NLGN1: variants seen among roughly 807,000 people sequenced by gnomAD.
NLGN1 encodes the protein neuroligin-1.
In NLGN1, 12 loss-of-function variants were observed where a neutral mutation model predicts 65.5. The observed-to-expected ratio is 0.18, with a 90% confidence interval of 0.12 to 0.30. The LOEUF (loss-of-function observed/expected upper bound fraction) is 0.30. Among genes scored for constraint, NLGN1 ranks in the 10% least tolerant of loss-of-function variants. The probability of loss-of-function intolerance (pLI) is 1.00; values close to 1 mark genes in which losing one functional copy is unlikely to be tolerated. For synonymous variants in NLGN1, 350 were observed against 359.5 expected (o/e 0.97, Z 0.30); for missense variants, 750 against 1,007.1 (o/e 0.74, Z 3.46).
In NLGN1 at chr3:173,796,580, G is replaced by T. The variant is rs893991135; in HGVS notation, c.494-11100G>T. 5.3e-5 allele frequency among the ~76,000 whole-genome samples: 8 copies of T among 152,162 alleles called. No individual in the cohort carries two copies. In the East Asian group the frequency reaches 1.2e-3, roughly 22 times the overall value. On this transcript the variant is annotated intron_variant, in intron 3 of 6. Coordinates refer to ENST00000457714, the Ensembl canonical transcript of NLGN1. ...TCACTCCCTTTCAAAATGACAGGAGGTCTACTCTCCTATTAACTCTAATGA... is the reference window on the plus strand; with the variant it reads ...TCACTCCCTTTCAAAATGACAGGAGTTCTACTCTCCTATTAACTCTAATGA...
In NLGN1 at chr3:173,874,850, A is replaced by G. The variant is rs1731824454; in HGVS notation, c.646+67018A>G. Among the ~76,000 whole-genome samples, 3 of 152,152 alleles carry G rather than the reference A, an allele frequency of 2.0e-5. No individual in the cohort carries two copies. The South Asian group carries it at 6.2e-4, about 32-fold the overall frequency. ...TTTCTCTTTGTGACTAGTGGTATGT[A>G]TTTGCAAGGAAGTGAAAAGAAGGAA... On this transcript the variant is annotated intron_variant, in intron 4 of 6. Transcript: ENST00000457714.
At chr3:174,190,040 A>G (rs1345221152) in intron 4 of NLGN1, among the ~76,000 whole-genome samples, 1 of 152,098 alleles carries the variant, frequency 6.6e-6, no homozygotes, top group East Asian at 1.9e-4. Context: ...AAATGAGAAC[A>G]TGATATCACT....
chr3:174,238,417 C>T (rs1561361436), intron 4 of NLGN1, among the ~76,000 whole-genome samples: 1 of 151,870 alleles, frequency 6.6e-6, no homozygotes, highest in Admixed American at 6.6e-5. Context: ...GGCTGGAATG[C>T]AGTGGCACAA....
intron 4 of NLGN1, among the ~76,000 whole-genome samples, chr3:173,930,081 A>C (rs1049057102): frequency 1.3e-5 from 2 of 152,196 alleles, no homozygotes; most frequent in Non-Finnish European, 2.9e-5. Context: ...ACAAAACAAA[A>C]AACTAGTAGG....
At chr3:173,405,813 T>A (rs556197061) in intron 1 of NLGN1, among the ~76,000 whole-genome samples, 1 of 152,246 alleles carries the variant, frequency 6.6e-6, no homozygotes, top group South Asian at 2.1e-4. Context: ...TAGTGATCCC[T>A]TCACTCTAGG....
At chr3:174,259,653 T>C (rs960149214) in intron 4 of NLGN1, among the ~76,000 whole-genome samples, 5 of 150,876 alleles carry the variant, frequency 3.3e-5, no homozygotes, top group African/African-American at 1.2e-4. Flanking sequence ...CTACAGTGAA[T>C]ACAAACATGT....
At chr3:174,128,138 T>C (rs1429704429) in intron 4 of NLGN1, among the ~76,000 whole-genome samples, 1 of 152,136 alleles carries the variant, frequency 6.6e-6, no homozygotes, top group Admixed American at 6.5e-5. Context: ...ATAAGAGGAA[T>C]ATGAAATTTT....
chr3:174,214,887 A>G lies in NLGN1; in HGVS notation c.647-60428A>G, dbSNP rs1737319942. On this transcript the variant is annotated intron_variant, in intron 4 of 6. Coordinates refer to ENST00000457714, the Ensembl canonical transcript of NLGN1. ...CAGTCCACCAAAAACTTAAACTTAT[A>G]TGTTATTGTCTAAAATTTACCTGAA... 2.0e-5 allele frequency among the ~76,000 whole-genome samples: 3 copies of G among 152,054 alleles called. No homozygotes were observed. The South Asian group carries it at 6.2e-4, about 32-fold the overall frequency.
chr3:173,439,292 T>C (rs535724585), intron 2 of NLGN1, among the ~76,000 whole-genome samples: 57 of 152,280 alleles, frequency 3.7e-4, no homozygotes, highest in Non-Finnish European at 7.1e-4. Flanking sequence ...AGTTTTAGTA[T>C]TATATTAACA....
At chr3:174,111,499 A>T (rs1429576218) in intron 4 of NLGN1, among the ~76,000 whole-genome samples, 6 of 152,032 alleles carry the variant, frequency 3.9e-5, no homozygotes, top group Non-Finnish European at 8.8e-5. Context: ...TATGCTAAAT[A>T]CAGGTTAATT....
intron 4 of NLGN1, among the ~76,000 whole-genome samples, chr3:174,126,676 G>A (rs530431235): frequency 6.6e-6 from 1 of 152,146 alleles, no homozygotes; most frequent in East Asian, 1.9e-4. Context: ...AAGATACTGT[G>A]CCTTTCCTTA....
At position 174,280,665 on chromosome 3, in the gene NLGN1, C is replaced by T. The variant is rs766400134; in HGVS notation, c.1834C>T (p.His612Tyr). The change falls in exon 7 of 7, where the codon CAT becomes TAT. Residue 612 changes from histidine to tyrosine, a missense_variant. His to Tyr is a moderately conservative substitution (Grantham distance 83, BLOSUM62 2). Coordinates refer to ENST00000457714, the Ensembl canonical transcript of NLGN1. The surrounding 1 kb of genome is among the most constrained non-coding windows in gnomAD (Gnocchi z 4.9). The stretch of plus-strand genomic sequence containing the variant: ...GAACCTCTGGTTGGAGTTGGTACCT[C>T]ATCTGCATAATCTCAATGACATTTC... 6.2e-7 allele frequency: 1 copy of T among 1,613,316 alleles called. No individual in the cohort carries two copies. Among genetic ancestry groups the T allele is most frequent in the Non-Finnish European group, 8.5e-7 (1 of 1,179,518 alleles).
At chr3:174,017,901 G>C (rs896664728) in intron 4 of NLGN1, among the ~76,000 whole-genome samples, 9 of 152,134 alleles carry the variant, frequency 5.9e-5, no homozygotes, top group African/African-American at 1.9e-4. Flanking sequence ...CAGGAGACAG[G>C]GTTTGAGAGC....
At chr3:173,652,695 T>G (rs1759394967) in intron 3 of NLGN1, among the ~76,000 whole-genome samples, 1 of 152,240 alleles carries the variant, frequency 6.6e-6, no homozygotes, top group Admixed American at 6.5e-5. Flanking sequence ...TCCAGCTTTG[T>G]CCTTTTTGCT....
intron 4 of NLGN1, among the ~76,000 whole-genome samples, chr3:174,061,930 C>T (rs1737507732): frequency 6.6e-6 from 1 of 152,082 alleles, no homozygotes; most frequent in South Asian, 2.1e-4. Flanking sequence ...TTTAAACAAG[C>T]CCCAAACCAT....
chr3:174,056,533 C>CATTTGT (rs1736120845), intron 4 of NLGN1, among the ~76,000 whole-genome samples: 4 of 152,002 alleles, frequency 2.6e-5, no homozygotes, highest in African/African-American at 9.7e-5. Context: ...GAATCTCTCA[C>CATTTGT]TGGAGCAGGT....
chr3:174,013,197 A>G (rs1424651470), intron 4 of NLGN1, among the ~76,000 whole-genome samples: 1 of 152,060 alleles, frequency 6.6e-6, no homozygotes. Flanking sequence ...GGTTACGGGT[A>G]TTTTCTTTGA....
At chr3:173,592,463 A>G (rs941965698) in intron 2 of NLGN1, among the ~76,000 whole-genome samples, 5 of 152,180 alleles carry the variant, frequency 3.3e-5, no homozygotes, top group African/African-American at 1.2e-4. Context: ...GCCACACAAT[A>G]GTGGAATTAG....
At chr3:173,554,748 A>T (rs769536945) in intron 2 of NLGN1, among the ~76,000 whole-genome samples, 1 of 152,170 alleles carries the variant, frequency 6.6e-6, no homozygotes, top group African/African-American at 2.4e-5. Flanking sequence ...CTCTTCCATA[A>T]CCATCTAGGA....
Sources: gnomAD v4.1 joint callset for allele counts (sites outside exome capture counted in the v4.1 genomes callset) on GRCh38, gnomAD v4.1.1 for gene constraint, Gnocchi (gnomAD v3.1) non-coding constraint, MANE v1.5 for transcripts, NCBI Gene and HGNC (gene_info 2026-07-23, HGNC 2026-07-21) for gene names.